DOCK2: variants seen among roughly 807,000 people sequenced by gnomAD.
The protein encoded by DOCK2 is dedicator of cytokinesis protein 2.
DOCK2 carries 87 observed loss-of-function variants against 248.9 expected under a neutral mutation model. That is an observed-to-expected ratio of 0.35 (90% CI 0.29 to 0.42). The LOEUF is 0.42. Ranked by LOEUF, DOCK2 falls within the 10% of genes least tolerant of loss-of-function variation. DOCK2 has a pLI of 1.00. For missense variants in DOCK2, 1,747 were observed against 2,300.2 expected, an observed-to-expected ratio of 0.76 and a Z score of 4.92; for synonymous variants, 805 against 821.6, an observed-to-expected ratio of 0.98 and a Z score of 0.35.
chr5:169,925,098 A>G (rs1775364094), intron 27 of DOCK2, among the ~76,000 whole-genome samples: 1 of 151,530 alleles, frequency 6.6e-6, no homozygotes, highest in Non-Finnish European at 1.5e-5. Context: ...TTCACTATCC[A>G]CCCCAACCCC....
At chr5:169,905,478 T>C (rs1156533187) in intron 27 of DOCK2, among the ~76,000 whole-genome samples, 1 of 152,188 alleles carries the variant, frequency 6.6e-6, no homozygotes, top group African/African-American at 2.4e-5. Flanking sequence ...GGGTCCTCAG[T>C]ATAAATAGCT....
At chr5:169,729,465 C>A (rs1018751556) in intron 22 of DOCK2, among the ~76,000 whole-genome samples, 5 of 152,012 alleles carry the variant, frequency 3.3e-5, no homozygotes, top group African/African-American at 7.3e-5. Context: ...CTAAACTGGC[C>A]CCTCTACCTG....
intron 27 of DOCK2, among the ~76,000 whole-genome samples, chr5:169,917,434 G>A (rs1774935081): frequency 1.3e-5 from 2 of 152,166 alleles, no homozygotes; most frequent in Admixed American, 1.3e-4. Context: ...TTGGTGCAAA[G>A]TTTGAGCTCT....
chr5:170,039,031 A>G (rs1043231661), intron 36 of DOCK2, among the ~76,000 whole-genome samples: 45 of 152,356 alleles, frequency 3.0e-4, no homozygotes, highest in Middle Eastern at 3.4e-3. Flanking sequence ...AGGCGGGAGG[A>G]AAGTGGAAAG....
intron 39 of DOCK2, among the ~76,000 whole-genome samples, chr5:170,047,285 A>T (rs1377737085): frequency 6.6e-6 from 1 of 152,202 alleles, no homozygotes; most frequent in East Asian, 1.9e-4. Flanking sequence ...TACAAGGGTG[A>T]TTCAAGTAAC....
chr5:169,724,751 C>CTTT (rs57297495), intron 22 of DOCK2, among the ~76,000 whole-genome samples: 2 of 145,192 alleles, frequency 1.4e-5, no homozygotes, highest in East Asian at 2.0e-4. Context: ...TTTCTTTTGT[C>CTTT]TTTTTTTTTT....
At chr5:170,077,615 C>T in intron 47 of DOCK2, 95 bp from the exon 48 acceptor site, 1 of 1,557,346 alleles carries the variant, frequency 6.4e-7, no homozygotes, top group Non-Finnish European at 8.7e-7. Flanking sequence ...AGCCCCACAA[C>T]TCTGCCCTGC....
intron 25 of DOCK2, among the ~76,000 whole-genome samples, chr5:169,801,079 T>C (rs1245356641): frequency 2.7e-5 from 4 of 148,532 alleles, no homozygotes; most frequent in Non-Finnish European, 6.0e-5. Flanking sequence ...CTTAAGCTAT[T>C]CTCCTGCCTC....
chr5:169,844,452 C>A (rs1770182731), intron 27 of DOCK2, among the ~76,000 whole-genome samples: 1 of 152,222 alleles, frequency 6.6e-6, no homozygotes, highest in South Asian at 2.1e-4. Flanking sequence ...GGGACACCTG[C>A]TTCTAAGCTG....
At chr5:169,889,398 T>C (rs1417010893) in intron 27 of DOCK2, among the ~76,000 whole-genome samples, 1 of 152,170 alleles carries the variant, frequency 6.6e-6, no homozygotes, top group South Asian at 2.1e-4. Flanking sequence ...ACTGTGGAGA[T>C]TCCAAGGAGG....
chr5:170,062,048 G>T (rs1458955954), intron 44 of DOCK2, among the ~76,000 whole-genome samples: 2 of 151,836 alleles, frequency 1.3e-5, no homozygotes, highest in Non-Finnish European at 2.9e-5. Context: ...GTGTGCCCAG[G>T]GTGTGCATGT....
intron 25 of DOCK2, among the ~76,000 whole-genome samples, chr5:169,789,418 G>C (rs748695720): frequency 1.3e-5 from 2 of 152,196 alleles, no homozygotes; most frequent in African/African-American, 2.4e-5. Context: ...AATGTAATAT[G>C]TTTCATTGTA....
At chr5:169,924,059 G>T (rs943591074) in intron 27 of DOCK2, among the ~76,000 whole-genome samples, 21 of 152,172 alleles carry the variant, frequency 1.4e-4, no homozygotes, top group African/African-American at 5.1e-4. Flanking sequence ...GATGCCCCTT[G>T]TCTCCTCCTG....
intron 32 of DOCK2, among the ~76,000 whole-genome samples, chr5:170,008,950 G>A (rs1484606730): frequency 2.6e-5 from 4 of 151,970 alleles, no homozygotes; most frequent in Non-Finnish European, 5.9e-5. Flanking sequence ...CCCCAGCCCT[G>A]CAAGCAGCTG....
At chr5:169,989,240 G>A (rs1289530942) in intron 29 of DOCK2, among the ~76,000 whole-genome samples, 1 of 152,130 alleles carries the variant, frequency 6.6e-6, no homozygotes, top group Admixed American at 6.5e-5. Context: ...CTGTTAGAGT[G>A]TTTTTCTTTT....
At chr5:169,662,921 C>T (rs1758525786) in intron 2 of DOCK2, among the ~76,000 whole-genome samples, 4 of 152,128 alleles carry the variant, frequency 2.6e-5, no homozygotes, top group Admixed American at 1.3e-4. Context: ...CCAACAGTCC[C>T]CCAAAGTCTT....
chr5:170,043,641 T>C (rs1756594961), intron 38 of DOCK2, among the ~76,000 whole-genome samples: 2 of 152,236 alleles, frequency 1.3e-5, no homozygotes, highest in South Asian at 2.1e-4. Context: ...CTCAAGCAGT[T>C]GGAGAGCACT....
At chr5:169,948,954 C>G (rs11134597) in intron 27 of DOCK2, among the ~76,000 whole-genome samples, 58,830 of 151,902 alleles carry the variant, frequency 0.39, 11,625 homozygotes, top group South Asian at 0.51. Context: ...TATCAAATTA[C>G]AAGAATATCC....
chr5:169,960,818 G>A (rs1281293579), intron 27 of DOCK2, among the ~76,000 whole-genome samples: 1 of 152,198 alleles, frequency 6.6e-6, no homozygotes, highest in Non-Finnish European at 1.5e-5. Context: ...TCTGAGTCAT[G>A]TGATGAAATC....
Sources: gnomAD v4.1 joint callset for allele counts (sites outside exome capture counted in the v4.1 genomes callset) on GRCh38, gnomAD v4.1.1 for gene constraint, MANE v1.5 for transcripts, NCBI Gene and HGNC (gene_info 2026-07-23, HGNC 2026-07-21) for gene names.